Variants in NRXN3 observed in about 807,000 individuals in gnomAD.
NRXN3 encodes the protein neurexin 3.
NRXN3 carries 32 observed loss-of-function variants against 137.6 expected under a neutral mutation model. The ratio of observed to expected loss-of-function variants is 0.23; its 90% CI spans 0.18 to 0.31. The LOEUF (loss-of-function observed/expected upper bound fraction) is 0.31, where lower values mean the gene tolerates loss of function less well. NRXN3 is among the 10% of genes least tolerant of loss of function. The probability of loss-of-function intolerance (pLI) is 1.00; values close to 1 mark genes in which losing one functional copy is unlikely to be tolerated. For synonymous variants in NRXN3, 798 were observed against 784.5 expected, an observed-to-expected ratio of 1.02 and a Z score of -0.29; for missense variants, 1,574 against 2,062.5, an observed-to-expected ratio of 0.76 and a Z score of 4.59.
intron 15 of NRXN3, among the ~76,000 whole-genome samples, chr14:79,054,958 T>C (rs1265216876): frequency 6.6e-6 from 1 of 152,192 alleles, no homozygotes; most frequent in African/African-American, 2.4e-5. Context: ...AAAGTGGATG[T>C]TGTATGTAAA....
chr14:78,934,955 TGTAATA>T (rs1234580397), intron 10 of NRXN3, among the ~76,000 whole-genome samples: 3 of 134,918 alleles, frequency 2.2e-5, no homozygotes, highest in Non-Finnish European at 4.5e-5. Flanking sequence ...AAACTTAAAG[TGTAATA>T]ATAATAATAA....
intron 15 of NRXN3, among the ~76,000 whole-genome samples, chr14:79,109,523 T>A (rs1366777726): frequency 6.6e-6 from 1 of 152,160 alleles, no homozygotes; most frequent in Non-Finnish European, 1.5e-5. Flanking sequence ...TTGTCATACA[T>A]GAAGGAAATG....
chr14:79,513,382 G>A (rs2096951690), intron 16 of NRXN3, among the ~76,000 whole-genome samples: 2 of 152,116 alleles, frequency 1.3e-5, no homozygotes, highest in African/African-American at 4.8e-5. Flanking sequence ...CTGACTCCAA[G>A]GACATTTCAC....
intron 4 of NRXN3, among the ~76,000 whole-genome samples, chr14:78,608,143 G>A (rs574782619): frequency 3.3e-5 from 5 of 152,286 alleles, no homozygotes; most frequent in African/African-American, 7.2e-5. Flanking sequence ...GAGTCTTGGC[G>A]GAGATGGTGG....
At chr14:78,414,977 A>C (rs1040446608) in intron 4 of NRXN3, among the ~76,000 whole-genome samples, 9 of 152,186 alleles carry the variant, frequency 5.9e-5, no homozygotes, top group Admixed American at 5.2e-4. Context: ...AGGCTGATAC[A>C]TCTTTCTGTG....
intron 2 of NRXN3, among the ~76,000 whole-genome samples, chr14:78,245,430 C>T (rs977496531): frequency 2.6e-5 from 4 of 152,068 alleles, no homozygotes; most frequent in African/African-American, 9.7e-5. Context: ...TGGCTGGTGC[C>T]AGGTGGGTGG....
At chr14:79,058,343 A>T (rs1209321228) in intron 15 of NRXN3, among the ~76,000 whole-genome samples, 1 of 152,148 alleles carries the variant, frequency 6.6e-6, no homozygotes, top group Non-Finnish European at 1.5e-5. Context: ...TTTTAGAATA[A>T]CAAACCAAAT....
intron 6 of NRXN3, among the ~76,000 whole-genome samples, chr14:78,699,738 C>T (rs1381217350): frequency 6.6e-6 from 1 of 152,160 alleles, no homozygotes; most frequent in Non-Finnish European, 1.5e-5. Flanking sequence ...TGACATGTAA[C>T]TTTTACTCTA....
chr14:79,252,177 A>G (rs1413128795), intron 15 of NRXN3, among the ~76,000 whole-genome samples: 1 of 152,146 alleles, frequency 6.6e-6, no homozygotes, highest in African/African-American at 2.4e-5. Flanking sequence ...AGATGCCTCC[A>G]ATTCCACCTC....
intron 15 of NRXN3, among the ~76,000 whole-genome samples, chr14:79,131,580 A>G (rs184921104): frequency 5.6e-4 from 86 of 152,328 alleles, no homozygotes; most frequent in African/African-American, 1.8e-3. Flanking sequence ...GCTCTCTTCC[A>G]AGCTGTCAGA....
chr14:78,239,908 T>C (rs58080204), intron 1 of NRXN3, among the ~76,000 whole-genome samples: 3,470 of 152,288 alleles, frequency 0.023, 132 homozygotes, highest in African/African-American at 0.077. Flanking sequence ...TTCGCCACAT[T>C]GGCCAGACTG....
At chr14:78,187,526 A>G (rs962705019) in intron 1 of NRXN3, among the ~76,000 whole-genome samples, 5 of 152,136 alleles carry the variant, frequency 3.3e-5, no homozygotes, top group Admixed American at 3.3e-4. Flanking sequence ...TGGTACCCAC[A>G]TGGTCTGATG....
intron 8 of NRXN3, among the ~76,000 whole-genome samples, chr14:78,724,858 C>A (rs1018050009): frequency 6.6e-6 from 1 of 152,160 alleles, no homozygotes; most frequent in African/African-American, 2.4e-5. Context: ...AATAACCCAG[C>A]CCAACAGAGA....
chr14:78,903,558 G>A (rs773774328), intron 10 of NRXN3, among the ~76,000 whole-genome samples: 15 of 152,152 alleles, frequency 9.9e-5, no homozygotes, highest in Non-Finnish European at 1.8e-4. Context: ...GGAAACAAAA[G>A]TTAAATACAT....
intron 10 of NRXN3, among the ~76,000 whole-genome samples, chr14:78,951,171 G>C (rs1175794011): frequency 6.6e-6 from 1 of 152,094 alleles, no homozygotes; most frequent in African/African-American, 2.4e-5. Flanking sequence ...AATAGATCTT[G>C]TTTCCATTAT....
At chr14:79,387,155 G>A (rs2094653701) in intron 15 of NRXN3, among the ~76,000 whole-genome samples, 1 of 152,066 alleles carries the variant, frequency 6.6e-6, no homozygotes, top group Admixed American at 6.6e-5. Flanking sequence ...TACCATCAGA[G>A]TGAACAGGCA....
chr14:79,033,621 G>T (rs550029037), intron 15 of NRXN3, among the ~76,000 whole-genome samples: 4 of 152,190 alleles, frequency 2.6e-5, no homozygotes, highest in East Asian at 1.9e-4. Flanking sequence ...GGGCAAGCAG[G>T]TACAACCTAG....
At chr14:78,474,679 T>C (rs933424067) in intron 4 of NRXN3, among the ~76,000 whole-genome samples, 24 of 152,224 alleles carry the variant, frequency 1.6e-4, no homozygotes, top group African/African-American at 5.5e-4. Flanking sequence ...TTGCATACCA[T>C]ATTAGTTCAA....
At chr14:79,376,235 T>C (rs1481279592) in intron 15 of NRXN3, among the ~76,000 whole-genome samples, 1 of 96,804 alleles carries the variant, frequency 1.0e-5, no homozygotes, top group African/African-American at 3.6e-5. Flanking sequence ...TATATATATA[T>C]ATATATATAT....
Sources: allele counts gnomAD v4.1 joint callset (sites outside exome capture counted in the v4.1 genomes callset), GRCh38; gene constraint gnomAD v4.1.1; transcripts MANE v1.5; gene names NCBI Gene and HGNC (gene_info 2026-07-23, HGNC 2026-07-21).